The following MAGI2 variants were observed in gnomAD, a reference collection of about 807,000 sequenced individuals.
The protein encoded by MAGI2 is membrane-associated guanylate kinase, WW and PDZ domain-containing protein 2.
In MAGI2, 35 loss-of-function variants were observed where a neutral mutation model predicts 133.3. That is an observed-to-expected ratio of 0.26 (90% CI 0.20 to 0.35). The LOEUF (loss-of-function observed/expected upper bound fraction) is 0.35, where lower values mean the gene tolerates loss of function less well. Ranked by LOEUF, MAGI2 falls within the 10% of genes least tolerant of loss-of-function variation. The probability of loss-of-function intolerance (pLI) is 1.00; values close to 1 mark genes in which losing one functional copy is unlikely to be tolerated. For missense variants in MAGI2, 1,636 were observed against 1,863.4 expected (o/e 0.88, Z 2.25); for synonymous variants, 729 against 710.6 (o/e 1.03, Z -0.41).
chr7:79,244,888 T>A (rs1421870386), intron 1 of MAGI2, among the ~76,000 whole-genome samples: 2 of 152,140 alleles, frequency 1.3e-5, no homozygotes, highest in Non-Finnish European at 2.9e-5. Flanking sequence ...TAAAGAGGAC[T>A]TTGTCTTACA....
intron 1 of MAGI2, among the ~76,000 whole-genome samples, chr7:79,148,498 A>G (rs1822865591): frequency 6.6e-6 from 1 of 151,966 alleles, no homozygotes; most frequent in Non-Finnish European, 1.5e-5. Flanking sequence ...CCATTTTACT[A>G]TGTTCTCTAT....
chr7:78,752,309 C>G (rs1427047395), intron 2 of MAGI2, among the ~76,000 whole-genome samples: 1 of 152,108 alleles, frequency 6.6e-6, no homozygotes, highest in East Asian at 1.9e-4. Flanking sequence ...CTTGATTCAT[C>G]ATGGTCACAG....
At chr7:78,852,379 A>C (rs1793218276) in intron 2 of MAGI2, among the ~76,000 whole-genome samples, 1 of 152,012 alleles carries the variant, frequency 6.6e-6, no homozygotes, top group Non-Finnish European at 1.5e-5. Flanking sequence ...CAGGAAACTT[A>C]AGTTTTATAT....
intron 1 of MAGI2, among the ~76,000 whole-genome samples, chr7:79,192,337 T>A (rs768826040): frequency 4.0e-5 from 6 of 151,888 alleles, no homozygotes; most frequent in Non-Finnish European, 8.8e-5. Context: ...TCTCTAGAAT[T>A]TAAAACATCT....
intron 1 of MAGI2, among the ~76,000 whole-genome samples, chr7:79,187,965 G>A (rs758049655): frequency 4.0e-5 from 6 of 151,716 alleles, no homozygotes; most frequent in Non-Finnish European, 7.4e-5. Context: ...TAATATTTTA[G>A]GCATTTCCAC....
At chr7:78,144,798 C>G (rs370773271) in intron 16 of MAGI2, among the ~76,000 whole-genome samples, 1 of 152,110 alleles carries the variant, frequency 6.6e-6, no homozygotes, top group Non-Finnish European at 1.5e-5. Context: ...ACGTGCAGAA[C>G]GTGCAGGTTT....
chr7:78,715,815 A>T (rs975362826), intron 2 of MAGI2, among the ~76,000 whole-genome samples: 1 of 61,832 alleles, frequency 1.6e-5, no homozygotes, highest in Non-Finnish European at 3.9e-5. Context: ...AAGTGCCAAT[A>T]AGTACAGCCA....
chr7:78,352,402 C>G lies in MAGI2; in HGVS notation c.1104-6359G>C, dbSNP rs191210867. On this transcript the variant is annotated intron_variant, in intron 7 of 21. Coordinates refer to ENST00000354212, the MANE Select transcript of MAGI2 (RefSeq NM_012301.4). ...CTTTGAATAAATGGAAAAATGGCAT[C>G]TATTTTACTTGGAGCATTTTTTAAA... Among the ~76,000 whole-genome samples, 194 of 152,288 alleles carry G rather than the reference C, an allele frequency of 1.3e-3. 1 individual carries two copies. The highest frequency in any genetic ancestry group is 4.3e-3 in the African/African-American group (177 of 41,568).
At chr7:78,656,808 CA>C (rs1812332846) in intron 2 of MAGI2, among the ~76,000 whole-genome samples, 1 of 151,260 alleles carries the variant, frequency 6.6e-6, no homozygotes, top group Non-Finnish European at 1.5e-5. Context: ...AATTATACTT[CA>C]ATGAAATAAA....
intron 16 of MAGI2, among the ~76,000 whole-genome samples, chr7:78,144,770 T>G (rs1006450852): frequency 6.6e-6 from 1 of 152,146 alleles, no homozygotes; most frequent in Admixed American, 6.6e-5. Context: ...TTTTTTGTTA[T>G]TTTAATTTCT....
At chr7:79,365,334 C>T (rs1842629350) in intron 1 of MAGI2, among the ~76,000 whole-genome samples, 1 of 152,134 alleles carries the variant, frequency 6.6e-6, no homozygotes, top group Non-Finnish European at 1.5e-5. Flanking sequence ...TAAAACTAAA[C>T]ATGAAATTGC....
intron 3 of MAGI2, among the ~76,000 whole-genome samples, chr7:78,535,878 C>A (rs77104002): frequency 1.5e-5 from 2 of 137,124 alleles, no homozygotes; most frequent in Non-Finnish European, 3.2e-5. Flanking sequence ...GTACACCCCC[C>A]CCGCCCACCG....
intron 1 of MAGI2, among the ~76,000 whole-genome samples, chr7:79,306,220 T>C (rs937620680): frequency 2.0e-5 from 3 of 146,822 alleles, no homozygotes; most frequent in Non-Finnish European, 4.5e-5. Context: ...TATATGTGTA[T>C]ATATATTTTA....
At chr7:79,268,183 G>A (rs1276889294) in intron 1 of MAGI2, among the ~76,000 whole-genome samples, 1 of 152,044 alleles carries the variant, frequency 6.6e-6, no homozygotes, top group Non-Finnish European at 1.5e-5. Flanking sequence ...TGCTTCTAAG[G>A]CCTTTTAATT....
chr7:78,690,446 T>C (rs1184823188), intron 2 of MAGI2, among the ~76,000 whole-genome samples: 2 of 152,190 alleles, frequency 1.3e-5, no homozygotes, highest in Admixed American at 6.6e-5. Context: ...GAAGCAAAAA[T>C]ATTTATAAAA....
intron 10 of MAGI2, among the ~76,000 whole-genome samples, chr7:78,222,492 T>C (rs1246883643): frequency 6.6e-6 from 1 of 152,234 alleles, no homozygotes; most frequent in Non-Finnish European, 1.5e-5. Context: ...ATTTTACAAA[T>C]GAAGTAACTG....
intron 6 of MAGI2, among the ~76,000 whole-genome samples, chr7:78,428,632 G>A (rs1799506880): frequency 6.6e-6 from 1 of 152,244 alleles, no homozygotes. Context: ...GCCCATTTAA[G>A]GCTGGTGCCT....
intron 2 of MAGI2, among the ~76,000 whole-genome samples, chr7:78,804,748 C>CAAAAAAAAAAAAAAA (rs373472835): frequency 1.0e-5 from 1 of 97,734 alleles, no homozygotes; most frequent in African/African-American, 4.7e-5. Context: ...GACTCTGTCT[C>CAAAAAAAAAAAAAAA]AAAAAAAAAA....
At chr7:78,502,738 A>G (rs965569004) in intron 4 of MAGI2, among the ~76,000 whole-genome samples, 1 of 152,180 alleles carries the variant, frequency 6.6e-6, no homozygotes, top group Non-Finnish European at 1.5e-5. Flanking sequence ...AAGGGGAGCT[A>G]CTGTACAACA....
Sources: gnomAD v4.1 joint callset for allele counts (sites outside exome capture counted in the v4.1 genomes callset) on GRCh38, gnomAD v4.1.1 for gene constraint, MANE v1.5 for transcripts, NCBI Gene and HGNC (gene_info 2026-07-23, HGNC 2026-07-21) for gene names.